Variants in NCKAP5 observed in about 807,000 individuals in gnomAD.
NCKAP5 encodes the protein nck-associated protein 5.
NCKAP5 carries 92 observed loss-of-function variants against 167.0 expected under a neutral mutation model. That is an observed-to-expected ratio of 0.55 (90% confidence interval 0.47 to 0.66). The LOEUF (loss-of-function observed/expected upper bound fraction) is 0.66, where lower values mean the gene tolerates loss of function less well. NCKAP5 is among the 30% of genes least tolerant of loss of function. The pLI is 0.00. For missense variants in NCKAP5, 2,378 were observed against 2,315.0 expected, an observed-to-expected ratio of 1.03 and a Z score of -0.56; for synonymous variants, 891 against 877.4, an observed-to-expected ratio of 1.02 and a Z score of -0.27.
At chr2:133,209,708 T>G (rs1217172501) in intron 5 of NCKAP5, among the ~76,000 whole-genome samples, 2 of 152,114 alleles carry the variant, frequency 1.3e-5, no homozygotes, top group African/African-American at 4.8e-5. Flanking sequence ...AATAAAGTCT[T>G]AAGTTTAATT....
At chr2:132,822,676 C>A (rs1380728158) in intron 11 of NCKAP5, among the ~76,000 whole-genome samples, 27 of 152,146 alleles carry the variant, frequency 1.8e-4, no homozygotes, top group Admixed American at 1.8e-3. Flanking sequence ...AAAGATCACA[C>A]CAGCTCCCCA....
intron 2 of NCKAP5, among the ~76,000 whole-genome samples, chr2:133,536,834 T>C (rs1415874506): frequency 6.6e-6 from 1 of 152,068 alleles, no homozygotes; most frequent in Non-Finnish European, 1.5e-5. Flanking sequence ...GCTATCTGTT[T>C]TTTTATTGTT....
chr2:133,483,721 CCTT>C (rs1366825492), intron 3 of NCKAP5, among the ~76,000 whole-genome samples: 1 of 151,910 alleles, frequency 6.6e-6, no homozygotes, highest in Non-Finnish European at 1.5e-5. Flanking sequence ...CATTTGGAAA[CCTT>C]CTTGAGATTT....
chr2:133,437,508 G>C (rs968215057), intron 3 of NCKAP5, among the ~76,000 whole-genome samples: 3 of 152,206 alleles, frequency 2.0e-5, no homozygotes, highest in African/African-American at 7.2e-5. Context: ...TGATTTTAGA[G>C]AGTAAACTAA....
chr2:132,861,074 G>A (rs1020279564), intron 10 of NCKAP5, among the ~76,000 whole-genome samples: 7 of 152,044 alleles, frequency 4.6e-5, no homozygotes, highest in East Asian at 1.9e-4. Context: ...TGAAATTCTC[G>A]GTGATGGGGC....
At chr2:132,951,580 C>A (rs1462271533) in intron 8 of NCKAP5, among the ~76,000 whole-genome samples, 1 of 152,134 alleles carries the variant, frequency 6.6e-6, no homozygotes, top group East Asian at 1.9e-4. Context: ...CATTTGAATG[C>A]TAATGAATTA....
At chr2:133,340,923 A>G (rs921438315) in intron 3 of NCKAP5, among the ~76,000 whole-genome samples, 1 of 152,140 alleles carries the variant, frequency 6.6e-6, no homozygotes, top group African/African-American at 2.4e-5. Context: ...TTGTTTCCAC[A>G]CTTCTCATGC....
chr2:133,315,841 G>A (rs1056020486), intron 3 of NCKAP5, among the ~76,000 whole-genome samples: 3 of 152,166 alleles, frequency 2.0e-5, no homozygotes, highest in African/African-American at 4.8e-5. Context: ...TGGGGTAGAG[G>A]TTGGGGAAAG....
chr2:132,742,096 G>A (rs1307313327), intron 16 of NCKAP5, among the ~76,000 whole-genome samples: 1 of 151,970 alleles, frequency 6.6e-6, no homozygotes, highest in Non-Finnish European at 1.5e-5. Flanking sequence ...ATCTACTCAT[G>A]CCCATAGGTT....
At position 133,258,666 on chromosome 2, in the gene NCKAP5, G is replaced by A. The variant is rs994986916; in HGVS notation, c.143+44371C>T. ...AGGCTGAGGTGGGAGGAATACTTGA[G>A]CCCAGGGAGGTTGAGGTTGCAGTGA... On this transcript the variant is annotated intron_variant, in intron 4 of 19. Coordinates refer to ENST00000409261, the MANE Select transcript of NCKAP5 (RefSeq NM_207363.3). Among the ~76,000 whole-genome samples, 5 of 151,844 alleles carry A rather than the reference G, an allele frequency of 3.3e-5. No homozygotes were observed. The East Asian group carries it at 9.7e-4, about 29-fold the overall frequency.
At chr2:133,023,159 G>A (rs2078584825) in intron 6 of NCKAP5, among the ~76,000 whole-genome samples, 1 of 152,194 alleles carries the variant, frequency 6.6e-6, no homozygotes, top group Admixed American at 6.5e-5. Context: ...GACAATCAAT[G>A]TGTGTTTTGT....
At chr2:133,585,748 T>TGAGGAAACTGAGACTCA in the NCKAP5 span, among the ~76,000 whole-genome samples, 1 of 152,206 alleles carries the variant, frequency 6.6e-6, no homozygotes, top group African/African-American at 2.4e-5. Context: ...CTTTTACAAA[T>TGAGGAAACTGAGACTCA]GAGGAAACTG....
chr2:132,724,818 G>T (rs1205297831), intron 19 of NCKAP5, among the ~76,000 whole-genome samples: 2 of 151,626 alleles, frequency 1.3e-5, no homozygotes, highest in East Asian at 1.9e-4. Flanking sequence ...CTCCCCCAAC[G>T]CAAATACCAA....
chr2:133,624,995 C>T, the NCKAP5 span, among the ~76,000 whole-genome samples: 2 of 152,144 alleles, frequency 1.3e-5, no homozygotes, highest in African/African-American at 4.8e-5. Context: ...AGAGGAACCA[C>T]TCAGTAATTA....
At chr2:133,183,056 C>G (rs1289985497) in intron 5 of NCKAP5, among the ~76,000 whole-genome samples, 1 of 151,842 alleles carries the variant, frequency 6.6e-6, no homozygotes. Flanking sequence ...ATAACTCACC[C>G]AATAAGAAAC....
chr2:133,398,149 GA>G (rs1391981344), intron 3 of NCKAP5, among the ~76,000 whole-genome samples: 30 of 152,118 alleles, frequency 2.0e-4, no homozygotes, highest in Middle Eastern at 6.8e-3. Flanking sequence ...GATCCTCAGG[GA>G]ATTGACAACA....
At chr2:132,962,810 C>G (rs1345150090) in intron 8 of NCKAP5, among the ~76,000 whole-genome samples, 1 of 152,126 alleles carries the variant, frequency 6.6e-6, no homozygotes, top group African/African-American at 2.4e-5. Context: ...CCAGGATGGT[C>G]TCCATCTCCT....
chr2:133,020,405 G>T (rs1237404125), intron 6 of NCKAP5, among the ~76,000 whole-genome samples: 1 of 152,300 alleles, frequency 6.6e-6, no homozygotes, highest in Admixed American at 6.5e-5. Context: ...ACCCAGACTA[G>T]GGCAGAAAAC....
chr2:133,397,264 C>T (rs1380671919), intron 3 of NCKAP5, among the ~76,000 whole-genome samples: 4 of 152,168 alleles, frequency 2.6e-5, no homozygotes, highest in Non-Finnish European at 4.4e-5. Context: ...CTATAGAAAC[C>T]AATCTAAATC....
Sources: gnomAD v4.1 joint callset for allele counts (sites outside exome capture counted in the v4.1 genomes callset) on GRCh38, gnomAD v4.1.1 for gene constraint, MANE v1.5 for transcripts, NCBI Gene and HGNC (gene_info 2026-07-23, HGNC 2026-07-21) for gene names.